C1orf105: variants seen among roughly 807,000 people sequenced by gnomAD.
C1orf105 encodes chromosome 1 open reading frame 105, also known as uncharacterized protein C1orf105.
A neutral mutation model predicts 20.8 loss-of-function variants in C1orf105; 17 were observed. That is an observed-to-expected ratio of 0.82 (90% CI 0.56 to 1.23). The LOEUF (loss-of-function observed/expected upper bound fraction) is 1.23. C1orf105 is among the 50% of genes most tolerant of loss of function. The pLI, the probability that C1orf105 is intolerant of heterozygous loss-of-function variation, is 0.00. For synonymous variants in C1orf105, 72 were observed against 72.1 expected (o/e 1.00, Z 0.01); for missense variants, 219 against 213.5 (o/e 1.03, Z -0.16).
intron 5 of C1orf105, among the ~76,000 whole-genome samples, chr1:172,464,808 G>A (rs1403401483): frequency 2.0e-5 from 3 of 152,130 alleles, no homozygotes; most frequent in Admixed American, 2.0e-4. Flanking sequence ...GTAGTCCTTG[G>A]ATCAATCATC....
At chr1:172,449,626 T>C (rs752068203) in intron 3 of C1orf105, among the ~76,000 whole-genome samples, 5 of 152,118 alleles carry the variant, frequency 3.3e-5, no homozygotes, top group Non-Finnish European at 5.9e-5. Context: ...GCCCAGCTAA[T>C]GCACACAGGG....
chr1:172,435,111 T>A (rs553744151), intron 1 of C1orf105, among the ~76,000 whole-genome samples: 7 of 152,220 alleles, frequency 4.6e-5, no homozygotes, highest in Admixed American at 3.3e-4. Context: ...ATTAATAGCC[T>A]ACCAACCAAA....
intron 5 of C1orf105, 28 bp downstream of exon 5, chr1:172,462,273 G>T: frequency 1.3e-6 from 2 of 1,514,668 alleles, no homozygotes; most frequent in South Asian, 2.4e-5. Flanking sequence ...ATCAGGACAT[G>T]ACTTAATTCT....
intron 1 of C1orf105, among the ~76,000 whole-genome samples, chr1:172,430,836 G>A (rs916031071): frequency 6.6e-6 from 1 of 151,200 alleles, no homozygotes; most frequent in Non-Finnish European, 1.5e-5. Context: ...CTCACTTTGT[G>A]TTCCTGTGTC....
intron 5 of C1orf105, among the ~76,000 whole-genome samples, chr1:172,463,421 T>C (rs2149193479): frequency 6.6e-6 from 1 of 152,340 alleles, no homozygotes; most frequent in South Asian, 2.1e-4. Context: ...CAGACTCAAA[T>C]ATAGACCCAG....
chr1:172,442,123 CCATA>C, intron 1 of C1orf105: 1 of 1,614,088 alleles, frequency 6.2e-7, no homozygotes, highest in Non-Finnish European at 8.5e-7. Flanking sequence ...AGCATTGGCA[CCATA>C]GTCAAAAAAG....
chr1:172,466,615 C>A (rs1020582372), intron 6 of C1orf105, among the ~76,000 whole-genome samples: 1 of 134,794 alleles, frequency 7.4e-6, no homozygotes, highest in Non-Finnish European at 1.6e-5. Context: ...CACACACACA[C>A]AATCACACAC....
chr1:172,447,518 G>T (rs1217810415), intron 2 of C1orf105, among the ~76,000 whole-genome samples: 3 of 152,134 alleles, frequency 2.0e-5, no homozygotes, highest in African/African-American at 7.2e-5. Flanking sequence ...GTCTCTGCTG[G>T]TCAGCATTTG....
At chr1:172,427,555 C>T (rs2071754396) in intron 1 of C1orf105, among the ~76,000 whole-genome samples, 1 of 152,282 alleles carries the variant, frequency 6.6e-6, no homozygotes, top group Non-Finnish European at 1.5e-5. Flanking sequence ...TAAACCCACA[C>T]CAAACAGGTT....
Position 172,468,659 on chromosome 1 carries a change from A to G in C1orf105, c.*65A>G. The G allele has an allele frequency of 6.6e-7, 1 of 1,505,960 alleles. No individual in the cohort carries two copies. The highest frequency in any genetic ancestry group is 1.3e-5 in the South Asian group (1 of 78,478). 93.3% of individuals were successfully genotyped at this position (1,505,960 alleles called of 1,614,324 possible). On this transcript the variant is annotated 3_prime_UTR_variant, in exon 7 of 7. Coordinates refer to ENST00000367727, the MANE Select transcript of C1orf105 (RefSeq NM_139240.4). ...AATAACCTCGCCAAGCCAATCTTTGACACTGGCACCTTCTCCTCACAATTT... is the reference window on the plus strand; with the variant it reads ...AATAACCTCGCCAAGCCAATCTTTGGCACTGGCACCTTCTCCTCACAATTT...
intron 1 of C1orf105, among the ~76,000 whole-genome samples, chr1:172,425,551 G>A (rs1051454196): frequency 1.6e-4 from 24 of 152,028 alleles, no homozygotes; most frequent in African/African-American, 5.8e-4. Flanking sequence ...AGCCCTCTTG[G>A]TGGCCAAAGG....
At chr1:172,445,625 A>G (rs1455585059) in intron 2 of C1orf105, among the ~76,000 whole-genome samples, 1 of 152,216 alleles carries the variant, frequency 6.6e-6, no homozygotes, top group East Asian at 1.9e-4. Flanking sequence ...TATATGACAC[A>G]TAAATCTATT....
intron 1 of C1orf105, chr1:172,442,363 C>T (rs1315468999): frequency 1.9e-6 from 3 of 1,613,114 alleles, no homozygotes; most frequent in African/African-American, 2.7e-5. Flanking sequence ...CAGACCAGTC[C>T]CTAAAAGCCA....
chr1:172,427,451 C>G (rs2071752169), intron 1 of C1orf105, among the ~76,000 whole-genome samples: 1 of 152,200 alleles, frequency 6.6e-6, no homozygotes, highest in Non-Finnish European at 1.5e-5. Flanking sequence ...TCTTCACTTT[C>G]CCTTTCAGTT....
At chr1:172,456,869 G>T (rs1450850297) in intron 4 of C1orf105, among the ~76,000 whole-genome samples, 1 of 152,142 alleles carries the variant, frequency 6.6e-6, no homozygotes, top group Non-Finnish European at 1.5e-5. Context: ...ACAATCAGGA[G>T]ACAAACAGCT....
rs1305097605 is a variant in C1orf105 at position 172,424,126 on chromosome 1, T to C, written c.21+3220T>C. Among the ~76,000 whole-genome samples the C allele has an allele frequency of 3.9e-5, 6 of 152,350 alleles. No homozygotes were observed. The East Asian group carries it at 1.2e-3, about 29-fold the overall frequency. ...CGGTTTTTAATCAAATCAAGTTTTATCATACATTATGTCACATCCCAATTT... is the reference window on the plus strand; with the variant it reads ...CGGTTTTTAATCAAATCAAGTTTTACCATACATTATGTCACATCCCAATTT... On this transcript the variant is annotated intron_variant, in intron 1 of 6. Transcript: ENST00000367727.
intron 5 of C1orf105, among the ~76,000 whole-genome samples, chr1:172,464,308 T>C (rs138458928): frequency 2.4e-4 from 37 of 152,318 alleles, no homozygotes; most frequent in Middle Eastern, 3.4e-3. Context: ...TGACAATTGA[T>C]TAAAGCAAAC....
At chr1:172,435,831 G>A (rs2072024897) in intron 1 of C1orf105, among the ~76,000 whole-genome samples, 1 of 152,162 alleles carries the variant, frequency 6.6e-6, no homozygotes, top group African/African-American at 2.4e-5. Context: ...TGACATGATT[G>A]TATATTTAGA....
intron 3 of C1orf105, among the ~76,000 whole-genome samples, chr1:172,454,989 G>A (rs2285172): frequency 0.26 from 39,692 of 151,790 alleles, 5,552 homozygotes; most frequent in East Asian, 0.35. Flanking sequence ...TGCTTTATTC[G>A]TCGGTATGAC....
Sources: gnomAD v4.1 joint callset for allele counts (sites outside exome capture counted in the v4.1 genomes callset) on GRCh38, gnomAD v4.1.1 for gene constraint, MANE v1.5 for transcripts, NCBI Gene and HGNC (gene_info 2026-07-23, HGNC 2026-07-21) for gene names.